MGAT4C: variants seen among roughly 807,000 people sequenced by gnomAD.
MGAT4C encodes MGAT4 family member C.
A neutral mutation model predicts 40.1 loss-of-function variants in MGAT4C; 19 were observed. The ratio of observed to expected loss-of-function variants is 0.47; its 90% CI spans 0.33 to 0.70. The LOEUF is 0.70. MGAT4C is among the 30% of genes least tolerant of loss of function. The pLI is 0.02. For missense variants in MGAT4C, 491 were observed against 563.2 expected (o/e 0.87, Z 1.30); for synonymous variants, 181 against 187.1 (o/e 0.97, Z 0.27).
chr12:86,367,904 A>G (rs2136208739), intron 3 of MGAT4C, among the ~76,000 whole-genome samples: 2 of 152,354 alleles, frequency 1.3e-5, no homozygotes, highest in Admixed American at 1.3e-4. Context: ...TAACATGGCC[A>G]GAAGCGCCTC....
chr12:86,611,679 A>G (rs1255062334), intron 2 of MGAT4C, among the ~76,000 whole-genome samples: 1 of 152,144 alleles, frequency 6.6e-6, no homozygotes. Flanking sequence ...TAATAGTTCA[A>G]TATAGAAAAT....
chr12:86,467,751 G>A (rs996373476), intron 2 of MGAT4C, among the ~76,000 whole-genome samples: 10 of 152,050 alleles, frequency 6.6e-5, no homozygotes, highest in African/African-American at 2.4e-4. Flanking sequence ...CTTCAATTAA[G>A]AAATGTTTAT....
intron 1 of MGAT4C, among the ~76,000 whole-genome samples, chr12:86,143,151 T>A (rs190681102): frequency 6.6e-6 from 1 of 152,202 alleles, no homozygotes; most frequent in Non-Finnish European, 1.5e-5. Flanking sequence ...ACCCAGTTTA[T>A]GGTATTTTTA....
At chr12:86,766,584 CA>C (rs1339897949) in intron 1 of MGAT4C, among the ~76,000 whole-genome samples, 3 of 149,668 alleles carry the variant, frequency 2.0e-5, no homozygotes, top group Admixed American at 6.7e-5. Context: ...AGCACCACAC[CA>C]CACCTATTCC....
chr12:86,763,713 C>A (rs894079728), intron 1 of MGAT4C, among the ~76,000 whole-genome samples: 1 of 151,976 alleles, frequency 6.6e-6, no homozygotes, highest in African/African-American at 2.4e-5. Context: ...AACTCAATAA[C>A]ACACACACAA....
At chr12:86,829,131 A>G (rs1177050102) in intron 1 of MGAT4C, among the ~76,000 whole-genome samples, 1 of 151,544 alleles carries the variant, frequency 6.6e-6, no homozygotes, top group East Asian at 1.9e-4. Flanking sequence ...ACAAATCCCC[A>G]TTCTTAGTTT....
intron 2 of MGAT4C, among the ~76,000 whole-genome samples, chr12:86,673,086 C>A (rs1479595584): frequency 6.6e-6 from 1 of 151,936 alleles, no homozygotes; most frequent in Admixed American, 6.6e-5. Flanking sequence ...GGATTCAGTG[C>A]CAAAGTGATA....
intron 1 of MGAT4C, among the ~76,000 whole-genome samples, chr12:86,744,178 C>G (rs73393117): frequency 0.038 from 5,709 of 151,550 alleles, 147 homozygotes; most frequent in Non-Finnish European, 0.048. Context: ...TAGAGAAACT[C>G]AGCAAGGGCT....
chr12:86,767,178 G>A (rs1005500377), intron 1 of MGAT4C, among the ~76,000 whole-genome samples: 3 of 151,980 alleles, frequency 2.0e-5, no homozygotes, highest in East Asian at 1.9e-4. Context: ...AATGATAAAG[G>A]GGTTATCACC....
intron 3 of MGAT4C, among the ~76,000 whole-genome samples, chr12:86,410,961 G>T (rs1465369472): frequency 6.6e-6 from 1 of 152,090 alleles, no homozygotes; most frequent in Non-Finnish European, 1.5e-5. Flanking sequence ...CTCTGCTCTG[G>T]CCATGTAAGA....
intron 2 of MGAT4C, among the ~76,000 whole-genome samples, chr12:86,564,215 G>T (rs771610024): frequency 6.6e-6 from 1 of 152,132 alleles, no homozygotes; most frequent in Non-Finnish European, 1.5e-5. Flanking sequence ...AACTCCAATT[G>T]CAGCTGCTGT....
chr12:86,137,874 C>A (rs1882198055), intron 1 of MGAT4C, among the ~76,000 whole-genome samples: 1 of 152,118 alleles, frequency 6.6e-6, no homozygotes. Context: ...TCGGCAAATA[C>A]CCTATGAGAG....
rs1882969628 is a variant in MGAT4C, at chr12:85,959,023, T to TACA, written c.*20265_*20266insTGT. 7.3e-6 allele frequency: 1 copy of TACA among 137,610 alleles called. No homozygotes were observed. The highest frequency in any genetic ancestry group is 1.6e-5 in the Non-Finnish European group (1 of 62,840). 8.5% of individuals were successfully genotyped at this position (137,610 alleles called of 1,614,324 possible). On this transcript the variant is annotated 3_prime_UTR_variant, in exon 5 of 5. Coordinates refer to ENST00000611864, the MANE Select transcript of MGAT4C (RefSeq NM_001351288.2). ...ATGTTATTAAATCTCTGGTAACCAC[T>TACA]ATACAATACAATACAATACAATACA... is the stretch of plus-strand genomic sequence containing the variant.
chr12:86,178,844 T>C (rs1055961042), intron 1 of MGAT4C, among the ~76,000 whole-genome samples: 1 of 152,228 alleles, frequency 6.6e-6, no homozygotes, highest in Non-Finnish European at 1.5e-5. Flanking sequence ...ATTTGACTCA[T>C]AGATCCCTAA....
At chr12:86,465,022 CAGATCAGTT>C (rs1335577071) in intron 2 of MGAT4C, among the ~76,000 whole-genome samples, 1 of 152,048 alleles carries the variant, frequency 6.6e-6, no homozygotes, top group African/African-American at 2.4e-5. Flanking sequence ...ATCCGAGGCT[CAGATCAGTT>C]AGATAATTTA....
intron 2 of MGAT4C, among the ~76,000 whole-genome samples, chr12:86,449,483 G>GCTAACA (rs1460661993): frequency 6.6e-6 from 1 of 152,006 alleles, no homozygotes; most frequent in African/African-American, 2.4e-5. Context: ...TCTTCATGAA[G>GCTAACA]CTAACACATT....
At chr12:86,829,999 A>T (rs1952889411) in intron 1 of MGAT4C, among the ~76,000 whole-genome samples, 1 of 151,506 alleles carries the variant, frequency 6.6e-6, no homozygotes, top group Admixed American at 6.6e-5. Flanking sequence ...TAAACAAAAG[A>T]AAATGGTTTG....
At chr12:86,101,414 T>A (rs1021656091) in intron 1 of MGAT4C, among the ~76,000 whole-genome samples, 2 of 151,868 alleles carry the variant, frequency 1.3e-5, no homozygotes, top group African/African-American at 4.8e-5. Context: ...TCTTAACTGC[T>A]GCTTGAAATA....
chr12:86,294,373 TTA>T (rs1442675378), intron 4 of MGAT4C, among the ~76,000 whole-genome samples: 1 of 151,972 alleles, frequency 6.6e-6, no homozygotes, highest in Non-Finnish European at 1.5e-5. Context: ...CTTTTTTTTT[TTA>T]ATCTAAATCC....
Sources: gnomAD v4.1 joint callset for allele counts (sites outside exome capture counted in the v4.1 genomes callset) on GRCh38, gnomAD v4.1.1 for gene constraint, MANE v1.5 for transcripts, NCBI Gene and HGNC (gene_info 2026-07-23, HGNC 2026-07-21) for gene names.